R3HDM1: variants seen among roughly 807,000 people sequenced by gnomAD.
The protein encoded by R3HDM1 is R3H domain containing 1.
In R3HDM1, 46 loss-of-function variants were observed where a neutral mutation model predicts 141.1. The observed-to-expected ratio is 0.33, with a 90% CI of 0.26 to 0.42. The LOEUF is 0.42. Ranked by LOEUF, R3HDM1 falls within the 10% of genes least tolerant of loss-of-function variation. R3HDM1 has a pLI of 1.00. For synonymous variants in R3HDM1, 435 were observed against 472.9 expected (o/e 0.92, Z 1.04); for missense variants, 1,184 against 1,368.3 (o/e 0.87, Z 2.12).
At chr2:135,677,161 A>G (rs527595878) in intron 20 of R3HDM1, among the ~76,000 whole-genome samples, 5 of 152,258 alleles carry the variant, frequency 3.3e-5, no homozygotes, top group Admixed American at 6.5e-5. Flanking sequence ...CAGAAAATTG[A>G]AATTAAAGTG....
At chr2:135,575,942 G>A (rs1705322440) in intron 1 of R3HDM1, among the ~76,000 whole-genome samples, 1 of 151,960 alleles carries the variant, frequency 6.6e-6, no homozygotes. Flanking sequence ...GGAAGAAACT[G>A]GAAAAGAAAA....
intron 1 of R3HDM1, among the ~76,000 whole-genome samples, chr2:135,539,655 T>C (rs1372340324): frequency 6.6e-6 from 1 of 152,188 alleles, no homozygotes; most frequent in Admixed American, 6.5e-5. Flanking sequence ...ACTACTGATG[T>C]TATCATTTGA....
rs553867851 is a variant in R3HDM1, at chr2:135,575,204, G to T, written c.-249-27296G>T. The stretch of plus-strand genomic sequence containing the variant: ...AATGCAAAAAAATTCAAAATACCTC[G>T]ACCCAAACTGTTTTTTGGTTTTGGC... On this transcript the variant is annotated intron_variant, in intron 1 of 26. Transcript: ENST00000683871. Among the ~76,000 whole-genome samples the T allele has an allele frequency of 2.6e-5, 4 of 152,220 alleles. No individual in the cohort carries two copies. In the South Asian group the frequency reaches 6.2e-4, roughly 24 times the overall value.
intron 21 of R3HDM1, among the ~76,000 whole-genome samples, chr2:135,692,498 A>T (rs550200398): frequency 3.9e-5 from 6 of 152,158 alleles, no homozygotes; most frequent in Non-Finnish European, 7.3e-5. Flanking sequence ...AGGCTGAAGC[A>T]GGAGAATCGC....
intron 16 of R3HDM1, chr2:135,649,436 TG>T (rs1270247942): frequency 1.3e-5 from 2 of 152,150 alleles, no homozygotes; most frequent in Non-Finnish European, 2.9e-5. Context: ...GTAGGGTAAT[TG>T]GAATAGTTAT....
intron 17 of R3HDM1, chr2:135,650,905 G>A (rs1350862737): frequency 5.1e-6 from 5 of 985,318 alleles, no homozygotes; most frequent in Non-Finnish European, 6.0e-6. Flanking sequence ...ACAAAATGTG[G>A]TATATTTTAT....
chr2:135,654,427 T>TTGTTG (rs2065524728), intron 18 of R3HDM1, among the ~76,000 whole-genome samples: 3 of 149,104 alleles, frequency 2.0e-5, no homozygotes, highest in Non-Finnish European at 4.4e-5. Flanking sequence ...AATGTTTTCT[T>TTGTTG]TTGTTGTTGT....
At chr2:135,648,788 A>G (rs1038091179) in intron 16 of R3HDM1, among the ~76,000 whole-genome samples, 1 of 151,788 alleles carries the variant, frequency 6.6e-6, no homozygotes, top group African/African-American at 2.4e-5. Flanking sequence ...AAAAAAAAAA[A>G]AAAAACACCT....
chr2:135,536,815 C>G (rs1696228601), intron 1 of R3HDM1: 1 of 652,870 alleles, frequency 1.5e-6, no homozygotes, highest in Admixed American at 6.3e-5. Context: ...ACCACCTGAG[C>G]TCTGCCTCCT....
intron 1 of R3HDM1, among the ~76,000 whole-genome samples, chr2:135,564,642 A>G (rs772402005): frequency 6.6e-6 from 1 of 152,224 alleles, no homozygotes; most frequent in Non-Finnish European, 1.5e-5. Flanking sequence ...AAAAATTTCT[A>G]TAGTGCAGAG....
intron 1 of R3HDM1, among the ~76,000 whole-genome samples, chr2:135,575,001 G>A (rs1705057342): frequency 6.6e-6 from 1 of 152,142 alleles, no homozygotes. Flanking sequence ...GCATAAGAAT[G>A]GGTAAAGAAG....
Position 135,710,164 on chromosome 2 carries a change from A to G in R3HDM1, c.2669A>G (p.Lys890Arg), listed in dbSNP as rs1046772280. The change falls in exon 23 of 27, where the codon AAA becomes AGA. Residue 890 changes from lysine to arginine, a missense_variant. Transcript: ENST00000683871. Reference protein sequence around the residue: ...AHSPPQWKQNKYYCDHQRGQK... With the variant: ...AHSPPQWKQNRYYCDHQRGQK... ...TCACCCCCGCAGTGGAAACAAAACA[A>G]ATATTACTGTGATCACCAGAGAGGA... is the stretch of plus-strand genomic sequence containing the variant. The G allele has an allele frequency of 6.2e-7, 1 of 1,614,034 alleles. No homozygotes were observed. Among genetic ancestry groups the G allele is most frequent in the Non-Finnish European group, 8.5e-7 (1 of 1,179,994 alleles).
At chr2:135,711,864 C>T (rs957777706) in intron 23 of R3HDM1, among the ~76,000 whole-genome samples, 1 of 148,920 alleles carries the variant, frequency 6.7e-6, no homozygotes, top group Non-Finnish European at 1.5e-5. Context: ...GAAGCTGAGG[C>T]AGTAGAATTG....
intron 1 of R3HDM1, chr2:135,584,163 A>G (rs1287701411): frequency 1.5e-6 from 1 of 648,940 alleles, no homozygotes; most frequent in Non-Finnish European, 1.9e-6. Context: ...CACCATCTCT[A>G]ATAAAAATAT....
At chr2:135,637,682 T>C (rs986354820) in intron 11 of R3HDM1, among the ~76,000 whole-genome samples, 1 of 152,032 alleles carries the variant, frequency 6.6e-6, no homozygotes, top group Admixed American at 6.6e-5. Context: ...GCCTGAGTGA[T>C]ATAGGAAGTG....
chr2:135,694,002 C>CA lies in R3HDM1; in HGVS notation c.2459+13688dup, dbSNP rs201625279. Among the ~76,000 whole-genome samples, 844 of 143,502 alleles carry CA rather than the reference C, an allele frequency of 5.9e-3. 23 individuals carry two copies. Among genetic ancestry groups the CA allele is most frequent in the Admixed American group, 0.046 (665 of 14,410 alleles). 94.1% of individuals were successfully genotyped at this position (143,502 alleles called of 152,430 possible). A position where few individuals can be genotyped will look rare whatever the true frequency, so the allele number is the denominator to read the frequency against. ...CTGGGGAACAAGAGCGAAACTGCCT[C>CA]AAAAAAAAAAGAAAATAATTAATTT... On this transcript the variant is annotated intron_variant, in intron 21 of 26. Transcript: ENST00000683871.
chr2:135,579,631 A>C (rs1706328612), intron 1 of R3HDM1, among the ~76,000 whole-genome samples: 1 of 151,330 alleles, frequency 6.6e-6, no homozygotes, highest in African/African-American at 2.4e-5. Context: ...CACCTTAACC[A>C]GGTAAAGTAG....
At chr2:135,557,161 G>A (rs2104946497) in intron 1 of R3HDM1, among the ~76,000 whole-genome samples, 1 of 152,154 alleles carries the variant, frequency 6.6e-6, no homozygotes, top group South Asian at 2.1e-4. Flanking sequence ...TAGGACAAGT[G>A]CCCTTGTGGT....
At chr2:135,706,022 G>T (rs1395384812) in intron 21 of R3HDM1, among the ~76,000 whole-genome samples, 1 of 151,862 alleles carries the variant, frequency 6.6e-6, no homozygotes, top group Non-Finnish European at 1.5e-5. Flanking sequence ...CCAGCTACTC[G>T]AGAGGCTGAG....
Sources: gnomAD v4.1 joint callset for allele counts (sites outside exome capture counted in the v4.1 genomes callset) on GRCh38, gnomAD v4.1.1 for gene constraint, MANE v1.5 for transcripts, NCBI Gene and HGNC (gene_info 2026-07-23, HGNC 2026-07-21) for gene names.